Variants in IMMP2L observed in about 807,000 individuals in gnomAD.
IMMP2L encodes inner mitochondrial membrane peptidase subunit 2.
IMMP2L carries 18 observed loss-of-function variants against 19.3 expected under a neutral mutation model. The observed-to-expected ratio is 0.93, with a 90% CI of 0.64 to 1.38. The LOEUF is 1.38. Ranked by LOEUF, IMMP2L falls within the 40% of genes most tolerant of loss-of-function variation. The pLI is 0.00. For synonymous variants in IMMP2L, 76 were observed against 73.0 expected (o/e 1.04, Z -0.21); for missense variants, 233 against 218.2 (o/e 1.07, Z -0.43).
intron 3 of IMMP2L, among the ~76,000 whole-genome samples, chr7:111,113,340 T>C (rs911443020): frequency 1.3e-5 from 2 of 152,120 alleles, no homozygotes; most frequent in African/African-American, 4.8e-5. Context: ...CCATCCCTCC[T>C]GAGATTGATA....
At chr7:110,961,426 GTC>G (rs1222248967) in intron 4 of IMMP2L, among the ~76,000 whole-genome samples, 1 of 113,196 alleles carries the variant, frequency 8.8e-6, no homozygotes, top group Non-Finnish European at 1.9e-5. Flanking sequence ...CAAGAAAAAA[GTC>G]TGTGTTTTTT....
intron 3 of IMMP2L, among the ~76,000 whole-genome samples, chr7:111,054,469 G>C (rs1363953725): frequency 6.6e-6 from 1 of 152,182 alleles, no homozygotes; most frequent in Non-Finnish European, 1.5e-5. Context: ...ATGTACCCAA[G>C]AAATGTCAAA....
At chr7:111,371,014 T>C (rs1266543760) in intron 3 of IMMP2L, among the ~76,000 whole-genome samples, 3 of 151,910 alleles carry the variant, frequency 2.0e-5, no homozygotes, top group Non-Finnish European at 4.4e-5. Context: ...TATTATTCAA[T>C]AGTCAAGTGC....
intron 5 of IMMP2L, among the ~76,000 whole-genome samples, chr7:110,730,691 ATT>A (rs1003640766): frequency 6.6e-6 from 1 of 151,818 alleles, no homozygotes; most frequent in Non-Finnish European, 1.5e-5. Flanking sequence ...CGCCCAGCTA[ATT>A]TTTTTGTATT....
chr7:111,251,459 T>C (rs1399131810), intron 3 of IMMP2L, among the ~76,000 whole-genome samples: 1 of 152,096 alleles, frequency 6.6e-6, no homozygotes, highest in Admixed American at 6.6e-5. Flanking sequence ...GCACATATGT[T>C]CCATGCAGCA....
At chr7:111,144,353 A>G (rs889851051) in intron 3 of IMMP2L, among the ~76,000 whole-genome samples, 1 of 152,182 alleles carries the variant, frequency 6.6e-6, no homozygotes, top group Non-Finnish European at 1.5e-5. Context: ...AGCAGTGAGC[A>G]AGATAGATCA....
In IMMP2L at chr7:111,162,836, G is replaced by A. The variant is rs570787956; in HGVS notation, c.240-199271C>T. ...CAAATGATTTTGTCTAGACACCCCC[G>A]CCCTCACCAACATAAACACTAAGAG... On this transcript the variant is annotated intron_variant, in intron 3 of 5. Transcript: ENST00000405709. Among the ~76,000 whole-genome samples the A allele has an allele frequency of 7.2e-5, 11 of 151,774 alleles. No homozygotes were observed. In the South Asian group the frequency reaches 1.7e-3, roughly 23 times the overall value.
intron 3 of IMMP2L, among the ~76,000 whole-genome samples, chr7:111,346,422 G>C (rs758210350): frequency 2.6e-4 from 40 of 152,070 alleles, no homozygotes; most frequent in Non-Finnish European, 5.7e-4. Flanking sequence ...TATTCAATAT[G>C]TAAGCTGACT....
intron 3 of IMMP2L, among the ~76,000 whole-genome samples, chr7:111,230,876 A>G (rs926418077): frequency 6.6e-6 from 1 of 152,050 alleles, no homozygotes; most frequent in Non-Finnish European, 1.5e-5. Context: ...AGGGTTACTG[A>G]GGAAGGTGGA....
chr7:111,113,688 G>A (rs916148097), intron 3 of IMMP2L, among the ~76,000 whole-genome samples: 2 of 151,772 alleles, frequency 1.3e-5, no homozygotes, highest in Non-Finnish European at 2.9e-5. Flanking sequence ...TGAAATGCAG[G>A]ATAATTGAAA....
At chr7:111,166,935 T>C (rs1332684763) in intron 3 of IMMP2L, among the ~76,000 whole-genome samples, 2 of 152,006 alleles carry the variant, frequency 1.3e-5, no homozygotes, top group Non-Finnish European at 2.9e-5. Context: ...TGAGGTCCTT[T>C]AAATTGCATC....
intron 3 of IMMP2L, among the ~76,000 whole-genome samples, chr7:111,427,163 G>C (rs1836162962): frequency 6.6e-6 from 1 of 151,624 alleles, no homozygotes. Flanking sequence ...ATCTGTTAGT[G>C]GCTGAGGATA....
intron 3 of IMMP2L, among the ~76,000 whole-genome samples, chr7:111,266,015 G>C (rs1356193313): frequency 1.3e-5 from 2 of 152,044 alleles, no homozygotes; most frequent in Non-Finnish European, 2.9e-5. Flanking sequence ...GCCTCTTTTA[G>C]AGTTGATTTT....
intron 5 of IMMP2L, among the ~76,000 whole-genome samples, chr7:110,790,346 G>A (rs1034452703): frequency 2.0e-5 from 3 of 151,696 alleles, no homozygotes; most frequent in Admixed American, 1.3e-4. Context: ...AGAAACTGAA[G>A]GGCATTTGAT....
intron 3 of IMMP2L, among the ~76,000 whole-genome samples, chr7:111,094,547 A>T (rs1797205806): frequency 6.6e-6 from 1 of 152,130 alleles, no homozygotes; most frequent in African/African-American, 2.4e-5. Flanking sequence ...ATGAAACTAA[A>T]TAAAGCAGGT....
intron 3 of IMMP2L, among the ~76,000 whole-genome samples, chr7:111,463,104 T>C (rs574439507): frequency 1.6e-4 from 24 of 152,186 alleles, no homozygotes; most frequent in African/African-American, 5.8e-4. Flanking sequence ...TTTCTCCTAG[T>C]TTCTGGCAGC....
intron 3 of IMMP2L, among the ~76,000 whole-genome samples, chr7:111,263,867 CT>C (rs1817573381): frequency 1.3e-5 from 2 of 152,098 alleles, no homozygotes; most frequent in Non-Finnish European, 2.9e-5. Context: ...TCATCTGTGC[CT>C]TTTTAACAGT....
intron 3 of IMMP2L, among the ~76,000 whole-genome samples, chr7:111,382,114 T>C (rs1214839514): frequency 1.3e-5 from 2 of 151,780 alleles, no homozygotes; most frequent in African/African-American, 4.8e-5. Context: ...GGAGAGGTTG[T>C]AGAGTGATAA....
chr7:111,358,940 G>A (rs950221694), intron 3 of IMMP2L, among the ~76,000 whole-genome samples: 3 of 152,142 alleles, frequency 2.0e-5, no homozygotes, highest in African/African-American at 7.2e-5. Flanking sequence ...TAGGTGTGCA[G>A]ATTAGTGTAC....
Sources: allele counts gnomAD v4.1 joint callset (sites outside exome capture counted in the v4.1 genomes callset), GRCh38; gene constraint gnomAD v4.1.1; transcripts MANE v1.5; gene names NCBI Gene and HGNC (gene_info 2026-07-23, HGNC 2026-07-21).